DYM: variants seen among roughly 807,000 people sequenced by gnomAD.
DYM encodes dyggve-Melchior-Clausen syndrome protein.
DYM carries 78 observed loss-of-function variants against 93.1 expected under a neutral mutation model. That is an observed-to-expected ratio of 0.84 (90% CI 0.70 to 1.01). DYM has a LOEUF of 1.01. Among genes scored for constraint, DYM ranks in the 50% least tolerant of loss-of-function variants. The probability of loss-of-function intolerance (pLI) is 0.00; values close to 1 mark genes in which losing one functional copy is unlikely to be tolerated. For missense variants in DYM, 789 were observed against 845.0 expected (o/e 0.93, Z 0.82); for synonymous variants, 321 against 319.7 (o/e 1.00, Z -0.04).
chr18:49,274,606 G>A (rs2094802463), intron 10 of DYM, among the ~76,000 whole-genome samples: 1 of 152,114 alleles, frequency 6.6e-6, no homozygotes, highest in African/African-American at 2.4e-5. Context: ...TCCACCAACA[G>A]TGTATGAGAG....
chr18:49,197,559 T>C (rs897207570), intron 14 of DYM, among the ~76,000 whole-genome samples: 7 of 151,560 alleles, frequency 4.6e-5, no homozygotes, highest in African/African-American at 9.7e-5. Context: ...ACCAGAAACA[T>C]ACTAAGTTAG....
intron 15 of DYM, among the ~76,000 whole-genome samples, chr18:49,144,888 C>T (rs985273382): frequency 9.9e-5 from 15 of 151,356 alleles, no homozygotes; most frequent in African/African-American, 3.2e-4. Context: ...CTTGAGGGCA[C>T]GAGTTTCAGA....
chr18:49,310,005 GGACGCGTGCAGCACCAA>G (rs1482921091), intron 8 of DYM, among the ~76,000 whole-genome samples: 3 of 152,152 alleles, frequency 2.0e-5, no homozygotes, highest in Non-Finnish European at 4.4e-5. Flanking sequence ...AAAACAGCAT[GGACGCGTGCAGCACCAA>G]GACATACAAA....
At chr18:49,430,140 T>C in intron 2 of DYM, 115 bp downstream of exon 2, 1 of 1,026,328 alleles carries the variant, frequency 9.7e-7, no homozygotes, top group Non-Finnish European at 1.5e-6. Context: ...GATCTATGTA[T>C]GACAGATAGA....
chr18:49,271,916 A>C (rs996013286), intron 11 of DYM, among the ~76,000 whole-genome samples: 1 of 152,006 alleles, frequency 6.6e-6, no homozygotes, highest in South Asian at 2.1e-4. Flanking sequence ...ATGCTGAAGA[A>C]AAATGAACCC....
At chr18:49,060,313 T>C (rs997055959) in intron 17 of DYM, among the ~76,000 whole-genome samples, 7 of 152,070 alleles carry the variant, frequency 4.6e-5, no homozygotes, top group Admixed American at 3.9e-4. Flanking sequence ...CCCGCCTCCA[T>C]GCCTTTTCTG....
intron 2 of DYM, among the ~76,000 whole-genome samples, chr18:49,428,114 G>A (rs181975588): frequency 6.6e-6 from 1 of 152,038 alleles, no homozygotes; most frequent in African/African-American, 2.4e-5. Context: ...AAAAAGGAAT[G>A]CAAGTATTGG....
intron 6 of DYM, among the ~76,000 whole-genome samples, chr18:49,359,449 C>G (rs1164304402): frequency 2.6e-5 from 4 of 152,140 alleles, no homozygotes; most frequent in Non-Finnish European, 4.4e-5. Flanking sequence ...GAAACAGTAG[C>G]CACTAACTAC....
chr18:49,070,739 T>G (rs2076817479), intron 17 of DYM, among the ~76,000 whole-genome samples: 1 of 152,178 alleles, frequency 6.6e-6, no homozygotes, highest in Non-Finnish European at 1.5e-5. Flanking sequence ...CAATCAATAC[T>G]AGTTGAACAA....
intron 17 of DYM, among the ~76,000 whole-genome samples, chr18:49,063,640 T>C (rs1480620788): frequency 1.3e-5 from 2 of 148,582 alleles, no homozygotes; most frequent in African/African-American, 5.0e-5. Flanking sequence ...TTTTTTTTTT[T>C]TTTTAGACAG....
chr18:49,297,398 T>C (rs2146091264), intron 8 of DYM, among the ~76,000 whole-genome samples: 1 of 152,248 alleles, frequency 6.6e-6, no homozygotes, highest in South Asian at 2.1e-4. Context: ...GTTGGGATAG[T>C]GATATCCTCA....
intron 16 of DYM, among the ~76,000 whole-genome samples, chr18:49,104,342 A>G (rs1316657615): frequency 2.0e-5 from 3 of 152,282 alleles, no homozygotes; most frequent in Admixed American, 6.5e-5. Flanking sequence ...TAGATATACA[A>G]TCATGTCATC....
intron 15 of DYM, among the ~76,000 whole-genome samples, chr18:49,158,915 T>C (rs58475924): frequency 6.6e-6 from 1 of 152,280 alleles, no homozygotes; most frequent in African/African-American, 2.4e-5. Flanking sequence ...AATTGGATTG[T>C]TTGTAACACA....
chr18:49,360,490 C>T (rs372716359), intron 6 of DYM, among the ~76,000 whole-genome samples: 2 of 151,794 alleles, frequency 1.3e-5, no homozygotes, highest in African/African-American at 2.4e-5. Flanking sequence ...GGTGTGGTGG[C>T]GCTCGTCTGT....
intron 13 of DYM, among the ~76,000 whole-genome samples, chr18:49,218,318 AC>A (rs1280070545): frequency 6.6e-6 from 1 of 152,190 alleles, no homozygotes; most frequent in Non-Finnish European, 1.5e-5. Context: ...AGACTTTAAC[AC>A]CCCACTGTCA....
chr18:49,395,278 C>CA (rs201097965), intron 2 of DYM, among the ~76,000 whole-genome samples: 3,749 of 145,820 alleles, frequency 0.026, 78 homozygotes, highest in African/African-American at 0.06. Flanking sequence ...AACTCAATGG[C>CA]AAAAAAAAAA....
chr18:49,303,440 T>C (rs2061071045), intron 8 of DYM, among the ~76,000 whole-genome samples: 1 of 152,190 alleles, frequency 6.6e-6, no homozygotes, highest in Admixed American at 6.5e-5. Context: ...TGAAGTCTGC[T>C]AGGGAACTCC....
At chr18:49,088,255 A>C (rs968736704) in intron 17 of DYM, among the ~76,000 whole-genome samples, 1 of 152,154 alleles carries the variant, frequency 6.6e-6, no homozygotes, top group Non-Finnish European at 1.5e-5. Context: ...TAGGTCTAAC[A>C]CCTAAGTCTT....
rs1374838559 is a variant in DYM at position 49,430,332 on chromosome 18, T to C, written c.63A>G (p.Ser21=). The change falls in exon 2 of 18, where the codon TCA becomes TCG. Residue 21 remains serine (S), a synonymous_variant. Coordinates refer to ENST00000675505, the MANE Select transcript of DYM (RefSeq NM_001353214.3). The part of the protein sequence containing the change: ...LPKNEYLKKL[S]GTESISENDP... ...CATTCTCAGAGATAGATTCCGTGCC[T>C]GATAACTTTTTCAAGTACTCATTTT... 1 of 1,614,126 alleles carries C rather than the reference T, an allele frequency of 6.2e-7. No individual in the cohort carries two copies. The highest frequency in any genetic ancestry group is 2.2e-5 in the East Asian group (1 of 44,874).
Sources: gnomAD v4.1 joint callset for allele counts (sites outside exome capture counted in the v4.1 genomes callset) on GRCh38, gnomAD v4.1.1 for gene constraint, MANE v1.5 for transcripts, NCBI Gene and HGNC (gene_info 2026-07-23, HGNC 2026-07-21) for gene names.